PLCL1: variants seen among roughly 807,000 people sequenced by gnomAD.
PLCL1 encodes the protein phospholipase C like 1 (inactive).
Under a neutral mutation model 84.4 loss-of-function variants are expected in PLCL1, and 41 were observed. The observed-to-expected ratio is 0.49, with a 90% confidence interval of 0.38 to 0.63. The LOEUF is 0.63. Ranked by LOEUF, PLCL1 falls within the 30% of genes least tolerant of loss-of-function variation. The pLI is 0.00. For synonymous variants in PLCL1, 490 were observed against 488.3 expected (o/e 1.00, Z -0.05); for missense variants, 1,206 against 1,367.8 (o/e 0.88, Z 1.87).
intron 1 of PLCL1, among the ~76,000 whole-genome samples, chr2:197,909,047 T>C (rs1688436213): frequency 6.6e-6 from 1 of 152,198 alleles, no homozygotes; most frequent in Non-Finnish European, 1.5e-5. Context: ...GAAGATTTAA[T>C]CTTCAAGGAT....
At chr2:198,027,829 C>A (rs1225954444) in intron 1 of PLCL1, among the ~76,000 whole-genome samples, 5 of 151,754 alleles carry the variant, frequency 3.3e-5, no homozygotes, top group Non-Finnish European at 5.9e-5. Flanking sequence ...TTTTTCTTTT[C>A]TTTTCTTTTT....
In PLCL1 at chr2:198,146,974, A is replaced by G; in HGVS notation, c.*12A>G. On this transcript the variant is annotated 3_prime_UTR_variant, in exon 6 of 6. Transcript: ENST00000428675. ...ATGGGAAGCTGTGACTCTGGGCATTATCGACACGTTCACCCATCTTATCAA... is the reference window on the plus strand; with the variant it reads ...ATGGGAAGCTGTGACTCTGGGCATTGTCGACACGTTCACCCATCTTATCAA... 6.4e-7 allele frequency: 1 copy of G among 1,574,276 alleles called. No homozygotes were observed. The highest frequency in any genetic ancestry group is 1.2e-5 in the South Asian group (1 of 86,054).
At chr2:197,882,362 A>G (rs1332016582) in intron 1 of PLCL1, among the ~76,000 whole-genome samples, 1 of 152,216 alleles carries the variant, frequency 6.6e-6, no homozygotes, top group Non-Finnish European at 1.5e-5. Context: ...CACAACCTAA[A>G]GGCCAAACTG....
chr2:197,955,937 A>G (rs138931462), intron 1 of PLCL1, among the ~76,000 whole-genome samples: 4 of 151,758 alleles, frequency 2.6e-5, no homozygotes, highest in Non-Finnish European at 5.9e-5. Context: ...CCTCACATGC[A>G]TTAGGTATTT....
chr2:197,903,726 A>G (rs1369988938), intron 1 of PLCL1, among the ~76,000 whole-genome samples: 4 of 129,880 alleles, frequency 3.1e-5, no homozygotes, highest in Non-Finnish European at 4.6e-5. Context: ...GATGGTCTCG[A>G]TCTCCTGACC....
rs1206854373 is a variant in PLCL1, at chr2:198,077,324, T to TA, written c.241-6431dup. 2.0e-5 allele frequency among the ~76,000 whole-genome samples: 3 copies of TA among 152,130 alleles called. No homozygotes were observed. In the East Asian group the frequency reaches 5.8e-4, roughly 29 times the overall value. On this transcript the variant is annotated intron_variant, in intron 1 of 5. Coordinates refer to ENST00000428675, the MANE Select transcript of PLCL1 (RefSeq NM_006226.4). Reference sequence around the variant, plus strand: ...CGTTGTGCACATGTACCCTAAAACTTAAAGTATAATAATAAAAAATAATAA... The same window carrying TA: ...CGTTGTGCACATGTACCCTAAAACTTAAAAGTATAATAATAAAAAATAATAA...
chr2:197,946,648 T>C (rs930659182), intron 1 of PLCL1, among the ~76,000 whole-genome samples: 7 of 152,182 alleles, frequency 4.6e-5, no homozygotes, highest in African/African-American at 1.7e-4. Context: ...ACCTTTGCCC[T>C]GAGTACCTGG....
At chr2:198,036,817 G>A (rs994706018) in intron 1 of PLCL1, among the ~76,000 whole-genome samples, 3 of 138,288 alleles carry the variant, frequency 2.2e-5, no homozygotes, top group Non-Finnish European at 5.1e-5. Context: ...AGCAAGCAAA[G>A]TAAAAAACAT....
At chr2:197,986,014 C>A (rs1370088350) in intron 1 of PLCL1, among the ~76,000 whole-genome samples, 1 of 152,120 alleles carries the variant, frequency 6.6e-6, no homozygotes, top group Admixed American at 6.5e-5. Flanking sequence ...TGGACAGGAC[C>A]AAAACCTTCT....
intron 1 of PLCL1, among the ~76,000 whole-genome samples, chr2:197,884,870 A>G (rs1687889384): frequency 6.6e-6 from 1 of 152,286 alleles, no homozygotes; most frequent in East Asian, 1.9e-4. Context: ...CATAGCAAAC[A>G]GAATGATTTC....
At chr2:198,071,294 G>A (rs990967486) in intron 1 of PLCL1, among the ~76,000 whole-genome samples, 6 of 151,896 alleles carry the variant, frequency 4.0e-5, no homozygotes, top group African/African-American at 7.2e-5. Flanking sequence ...CAGCATGGCA[G>A]TGAACCACCT....
intron 1 of PLCL1, among the ~76,000 whole-genome samples, chr2:197,826,493 A>G (rs1690931494): frequency 6.6e-6 from 1 of 152,176 alleles, no homozygotes; most frequent in Non-Finnish European, 1.5e-5. Context: ...CTTTAAATGT[A>G]TGCTTAATAT....
At chr2:197,891,291 C>T (rs1380819926) in intron 1 of PLCL1, among the ~76,000 whole-genome samples, 1 of 152,116 alleles carries the variant, frequency 6.6e-6, no homozygotes, top group Admixed American at 6.6e-5. Context: ...TGTGGTTACA[C>T]TGAGAAATTT....
intron 5 of PLCL1, among the ~76,000 whole-genome samples, chr2:198,139,151 G>A (rs533344036): frequency 1.1e-4 from 17 of 151,806 alleles, no homozygotes; most frequent in East Asian, 1.9e-4. Context: ...GCAAAACTCC[G>A]TCTCAAAATA....
intron 1 of PLCL1, among the ~76,000 whole-genome samples, chr2:197,992,105 G>A (rs1690357673): frequency 6.6e-6 from 1 of 151,346 alleles, no homozygotes; most frequent in South Asian, 2.1e-4. Context: ...GGGTACATGT[G>A]CACAATGTGC....
At chr2:197,962,824 G>A (rs1444519279) in intron 1 of PLCL1, among the ~76,000 whole-genome samples, 2 of 151,930 alleles carry the variant, frequency 1.3e-5, no homozygotes, top group African/African-American at 4.8e-5. Flanking sequence ...AAATAAGTGA[G>A]AACATGCAAA....
chr2:197,923,508 A>C (rs1688764403), intron 1 of PLCL1, among the ~76,000 whole-genome samples: 1 of 131,700 alleles, frequency 7.6e-6, no homozygotes, highest in Non-Finnish European at 1.6e-5. Flanking sequence ...GGCGCTCCTC[A>C]CATCCCAGAT....
At chr2:197,953,610 A>G (rs959323551) in intron 1 of PLCL1, among the ~76,000 whole-genome samples, 7 of 152,024 alleles carry the variant, frequency 4.6e-5, no homozygotes, top group African/African-American at 1.4e-4. Context: ...TCCTAGAGGC[A>G]TATTGGAGTT....
intron 1 of PLCL1, among the ~76,000 whole-genome samples, chr2:198,054,889 C>G (rs1429597608): frequency 6.6e-6 from 1 of 152,140 alleles, no homozygotes; most frequent in African/African-American, 2.4e-5. Flanking sequence ...AAATAATGAT[C>G]TCTGAGGGAG....
Sources: allele counts gnomAD v4.1 joint callset (sites outside exome capture counted in the v4.1 genomes callset), GRCh38; gene constraint gnomAD v4.1.1; transcripts MANE v1.5; gene names NCBI Gene and HGNC (gene_info 2026-07-23, HGNC 2026-07-21).